Variants in MEGF10 observed in about 807,000 individuals in gnomAD.
The protein encoded by MEGF10 is multiple epidermal growth factor-like domains protein 10.
Under a neutral mutation model 147.5 loss-of-function variants are expected in MEGF10, and 86 were observed. The observed-to-expected ratio is 0.58, with a 90% CI of 0.49 to 0.70. The LOEUF is 0.70. MEGF10 is among the 30% of genes least tolerant of loss of function. MEGF10 has a pLI of 0.00. For synonymous variants in MEGF10, 478 were observed against 525.5 expected, an observed-to-expected ratio of 0.91 and a Z score of 1.24; for missense variants, 1,329 against 1,487.3, an observed-to-expected ratio of 0.89 and a Z score of 1.75.
In MEGF10 at chr5:127,393,245, T is replaced by C. The variant is rs563488697; in HGVS notation, c.413-3287T>C. Among the ~76,000 whole-genome samples the C allele has an allele frequency of 3.9e-5, 6 of 152,296 alleles. No homozygotes were observed. In the East Asian group the frequency reaches 1.2e-3, roughly 29 times the overall value. On this transcript the variant is annotated intron_variant, in intron 5 of 24. Transcript: ENST00000503335. ...TGTCAGATAGTTTGAATTCAGACCT[T>C]CTCCGAGCTGTCTCTCCAAATGTGG... is the stretch of plus-strand genomic sequence containing the variant.
intron 5 of MEGF10, among the ~76,000 whole-genome samples, chr5:127,370,772 C>A (rs138169909): frequency 6.6e-6 from 1 of 152,168 alleles, no homozygotes; most frequent in Non-Finnish European, 1.5e-5. Context: ...TTGCTGTACA[C>A]GTAATTGCAT....
intron 8 of MEGF10, 30 bp downstream of exon 8, chr5:127,402,712 G>C (rs751885814): frequency 2.2e-5 from 35 of 1,609,876 alleles, no homozygotes; most frequent in Admixed American, 1.0e-4. Flanking sequence ...TTCTCTGACT[G>C]TTTATAATGA....
At chr5:127,322,859 A>G (rs1220993331) in intron 1 of MEGF10, among the ~76,000 whole-genome samples, 1 of 152,176 alleles carries the variant, frequency 6.6e-6, no homozygotes, top group Non-Finnish European at 1.5e-5. Flanking sequence ...ACACTGAAGT[A>G]TTTAGAAGTA....
Position 127,420,136 on chromosome 5 carries a change from T to A in MEGF10, c.1519T>A (p.Cys507Ser). ...LTCQCLNGGA[C>S]NTLDGTCTCA... ...ATGCCAGTGCCTCAACGGGGGAGCCTGCAACACCCTGGACGGGACCTGCAC... is the reference window on the plus strand; with the variant it reads ...ATGCCAGTGCCTCAACGGGGGAGCCAGCAACACCCTGGACGGGACCTGCAC... Residue 507 changes from cysteine (C) to serine (S), a missense_variant, in exon 12 of 25, where the codon TGC becomes AGC. This residue lies in a region of MEGF10 where 980 missense variants were observed against 1,085.9 expected (regional missense o/e 0.90). Coordinates refer to ENST00000503335, the MANE Select transcript of MEGF10 (RefSeq NM_001256545.2). 1 of 1,614,180 alleles carries A rather than the reference T, an allele frequency of 6.2e-7. No homozygotes were observed. Among genetic ancestry groups the A allele is most frequent in the Non-Finnish European group, 8.5e-7 (1 of 1,180,020 alleles).
At chr5:127,362,666 AT>A (rs1434304530) in intron 4 of MEGF10, among the ~76,000 whole-genome samples, 1 of 152,054 alleles carries the variant, frequency 6.6e-6, no homozygotes, top group Non-Finnish European at 1.5e-5. Context: ...ACCCGGCCAA[AT>A]ATTTGCGTTT....
chr5:127,355,476 A>G (rs1270964484), intron 4 of MEGF10, among the ~76,000 whole-genome samples: 1 of 152,168 alleles, frequency 6.6e-6, no homozygotes, highest in Non-Finnish European at 1.5e-5. Flanking sequence ...TGCCACCGGC[A>G]TTGAATTTTT....
At chr5:127,373,107 A>C (rs1479446589) in intron 5 of MEGF10, among the ~76,000 whole-genome samples, 1 of 152,154 alleles carries the variant, frequency 6.6e-6, no homozygotes, top group African/African-American at 2.4e-5. Flanking sequence ...AGTATTACAT[A>C]ATTTATTTTG....
chr5:127,419,830 A>G (rs1764920759), intron 11 of MEGF10, among the ~76,000 whole-genome samples: 1 of 152,186 alleles, frequency 6.6e-6, no homozygotes, highest in Non-Finnish European at 1.5e-5. Context: ...CATCCTCGAC[A>G]GATCACACAA....
chr5:127,408,937 C>T (rs1346434642), intron 8 of MEGF10, among the ~76,000 whole-genome samples: 1 of 152,058 alleles, frequency 6.6e-6, no homozygotes, highest in Non-Finnish European at 1.5e-5. Flanking sequence ...ATTAGCCTGA[C>T]ATGGTGGCGA....
the MEGF10 span, among the ~76,000 whole-genome samples, chr5:127,250,289 T>C: frequency 6.6e-6 from 1 of 151,990 alleles, no homozygotes; most frequent in Non-Finnish European, 1.5e-5. Flanking sequence ...ATGTTTAACA[T>C]CATTTCTGGC....
the MEGF10 span, among the ~76,000 whole-genome samples, chr5:127,250,530 T>C: frequency 6.6e-6 from 1 of 152,144 alleles, no homozygotes; most frequent in South Asian, 2.1e-4. Flanking sequence ...TAATAAAGAT[T>C]AGCATAAAAC....
intron 4 of MEGF10, among the ~76,000 whole-genome samples, chr5:127,350,959 G>C (rs1368808587): frequency 2.0e-5 from 3 of 151,730 alleles, no homozygotes; most frequent in African/African-American, 7.3e-5. Flanking sequence ...TATACTCATG[G>C]GGGTAGAGAG....
In MEGF10 at chr5:127,369,891, T is replaced by A; in HGVS notation, c.320-19T>A. On this transcript the variant is annotated intron_variant, in intron 4 of 24. Coordinates refer to ENST00000503335, the MANE Select transcript of MEGF10 (RefSeq NM_001256545.2). ...TCTTGTGCCAACTTTCTTTATTTGA[T>A]TGATTTTCTCTCTGACAGCCCACTG... 1.3e-6 allele frequency: 2 copies of A among 1,588,842 alleles called. No homozygotes were observed. The highest frequency in any genetic ancestry group is 2.3e-5 in the South Asian group (2 of 87,230).
intron 4 of MEGF10, among the ~76,000 whole-genome samples, chr5:127,343,845 G>C (rs1408314164): frequency 6.6e-6 from 1 of 152,080 alleles, no homozygotes; most frequent in Non-Finnish European, 1.5e-5. Flanking sequence ...TGGGCTGCCA[G>C]TTCAAAGTCA....
chr5:127,381,801 G>A (rs1344424811), intron 5 of MEGF10, among the ~76,000 whole-genome samples: 1 of 152,158 alleles, frequency 6.6e-6, no homozygotes, highest in Non-Finnish European at 1.5e-5. Flanking sequence ...CTCCTGAGTA[G>A]CTGGGACTAC....
At chr5:127,262,159 G>T in the MEGF10 span, among the ~76,000 whole-genome samples, 2 of 151,992 alleles carry the variant, frequency 1.3e-5, no homozygotes, top group Admixed American at 6.6e-5. Context: ...TGTGCTTTGG[G>T]TATCATATCT....
At chr5:127,420,819 G>A (rs1764969495) in intron 12 of MEGF10, among the ~76,000 whole-genome samples, 1 of 152,118 alleles carries the variant, frequency 6.6e-6, no homozygotes, top group Non-Finnish European at 1.5e-5. Flanking sequence ...AGTGCATTCT[G>A]GAGTAAGCTG....
intron 9 of MEGF10, among the ~76,000 whole-genome samples, chr5:127,416,964 A>G (rs917209891): frequency 3.4e-4 from 52 of 152,268 alleles, no homozygotes; most frequent in African/African-American, 1.2e-3. Context: ...CCATCAGGCA[A>G]GGAAGACCAT....
intron 12 of MEGF10, among the ~76,000 whole-genome samples, chr5:127,421,201 A>G (rs1407847490): frequency 6.6e-6 from 1 of 152,222 alleles, no homozygotes; most frequent in African/African-American, 2.4e-5. Flanking sequence ...CCCCTGGCAC[A>G]ATCTCGTCCT....
Sources: gnomAD v4.1 joint callset for allele counts (sites outside exome capture counted in the v4.1 genomes callset) on GRCh38, gnomAD v4.1.1 for gene constraint, gnomAD v4.1.1 regional missense constraint, MANE v1.5 for transcripts, NCBI Gene and HGNC (gene_info 2026-07-23, HGNC 2026-07-21) for gene names.